The following ANKRD29 variants were observed in gnomAD, a reference collection of about 807,000 sequenced individuals.
The protein encoded by ANKRD29 is ankyrin repeat domain 29.
Under a neutral mutation model 38.0 loss-of-function variants are expected in ANKRD29, and 32 were observed. The observed-to-expected ratio is 0.84, with a 90% CI of 0.64 to 1.13. The LOEUF is 1.13. ANKRD29 is among the 50% of genes most tolerant of loss of function. The probability of loss-of-function intolerance (pLI) is 0.00; values close to 1 mark genes in which losing one functional copy is unlikely to be tolerated. For missense variants in ANKRD29, 357 were observed against 377.9 expected (o/e 0.94, Z 0.46); for synonymous variants, 135 against 152.4 (o/e 0.89, Z 0.84).
At chr18:23,649,615 T>C (rs2060185758) in intron 1 of ANKRD29, 1 of 467,894 alleles carries the variant, frequency 2.1e-6, no homozygotes, top group Non-Finnish European at 4.2e-6. Flanking sequence ...TTTCTCCCAA[T>C]TCTGACCTCT....
chr18:23,611,450 G>A (rs1258547339), intron 9 of ANKRD29, among the ~76,000 whole-genome samples: 6 of 152,132 alleles, frequency 3.9e-5, no homozygotes, highest in African/African-American at 1.2e-4. Context: ...TTGGGAGGCC[G>A]AGGTGGGTGG....
rs1336170135 is a variant in ANKRD29 at position 23,619,535 on chromosome 18, C to T, written c.623G>A (p.Arg208Gln). The change falls in exon 7 of 10, where the codon CGG becomes CAG. Residue 208 changes from arginine to glutamine, a missense_variant. Physicochemically the swap from Arg to Gln is conservative, Grantham distance 43 (BLOSUM62 1). Transcript: ENST00000592179. ...CCGCGCGACTCGGGCACTCACGTTC[C>T]GCGCAGCGTCGCGGTCGGCTCCGCG... ...LLRGADRDAA[R>Q]NDGTTALLKA... The T allele has an allele frequency of 1.3e-6, 2 of 1,589,706 alleles. No individual in the cohort carries two copies. Among genetic ancestry groups the T allele is most frequent in the South Asian group, 1.1e-5 (1 of 89,610 alleles).
intron 4 of ANKRD29, among the ~76,000 whole-genome samples, chr18:23,637,083 T>C (rs1021390711): frequency 1.3e-5 from 2 of 152,206 alleles, no homozygotes; most frequent in Non-Finnish European, 2.9e-5. Flanking sequence ...TCTGAGATAG[T>C]ACAAACTGGC....
intron 6 of ANKRD29, among the ~76,000 whole-genome samples, chr18:23,628,312 C>T (rs533704709): frequency 1.3e-5 from 2 of 152,284 alleles, no homozygotes; most frequent in African/African-American, 4.8e-5. Context: ...CTTTATTTTT[C>T]TCAGGCTCCT....
intron 9 of ANKRD29, among the ~76,000 whole-genome samples, chr18:23,603,282 A>G (rs1197585815): frequency 1.3e-5 from 2 of 152,262 alleles, no homozygotes; most frequent in African/African-American, 4.8e-5. Flanking sequence ...CTCATTTGGA[A>G]AATATCAGTT....
At chr18:23,655,819 C>T (rs1356992469) in intron 1 of ANKRD29, among the ~76,000 whole-genome samples, 2 of 144,796 alleles carry the variant, frequency 1.4e-5, no homozygotes, top group Non-Finnish European at 1.5e-5. Context: ...TCTGGCCGGG[C>T]GCGGTGGCTC....
chr18:23,636,784 G>A (rs2145701734), intron 4 of ANKRD29, among the ~76,000 whole-genome samples: 1 of 151,214 alleles, frequency 6.6e-6, no homozygotes, highest in South Asian at 2.1e-4. Context: ...ATATTGCCCA[G>A]GCTGGTCTTG....
In ANKRD29 at chr18:23,643,902, C is replaced by T. The variant is rs1186405225; in HGVS notation, c.231+2287G>A. On this transcript the variant is annotated intron_variant, in intron 3 of 9. Transcript: ENST00000592179. ...ACAATGGATCAAGGCAGAAGTCTGC[C>T]ATAGGAGTAAGTTTCAAAGCACTGC... is the stretch of plus-strand genomic sequence containing the variant. 3.9e-5 allele frequency among the ~76,000 whole-genome samples: 6 copies of T among 152,204 alleles called. No homozygotes were observed. The South Asian group carries it at 1.2e-3, about 32-fold the overall frequency.
chr18:23,641,666 C>T (rs981952044), intron 3 of ANKRD29, among the ~76,000 whole-genome samples: 7 of 152,374 alleles, frequency 4.6e-5, no homozygotes, highest in South Asian at 2.1e-4. Flanking sequence ...GAGGCAGACA[C>T]GTTCCCACCC....
chr18:23,614,189 G>C (rs1207258838), intron 8 of ANKRD29, among the ~76,000 whole-genome samples: 2 of 151,904 alleles, frequency 1.3e-5, no homozygotes, highest in Non-Finnish European at 2.9e-5. Context: ...AAACTCCTGA[G>C]TAGCTGGGAT....
chr18:23,634,143 C>T lies in ANKRD29; in HGVS notation c.337G>A (p.Gly113Ser), dbSNP rs776267524. Residue 113 changes from glycine to serine, a missense_variant, in exon 5 of 10, where the codon GGC (glycine) becomes AGC (serine). Coordinates refer to ENST00000592179, the MANE Select transcript of ANKRD29 (RefSeq NM_173505.4). ...TGACTGGCAGCCAACAGGGCGGTGC[C>T]CCCGTCCTATGGACATGCAAAGTAT... is the stretch of plus-strand genomic sequence containing the variant. ...ASTEFRTKDGGTALLAASQYG... is the reference protein window; with the variant it reads ...ASTEFRTKDGSTALLAASQYG... 5.6e-6 allele frequency: 9 copies of T among 1,614,168 alleles called. 1 individual carries two copies. The highest frequency in any genetic ancestry group is 4.4e-5 in the South Asian group (4 of 91,080).
At chr18:23,623,895 G>A (rs559644051) in intron 6 of ANKRD29, among the ~76,000 whole-genome samples, 15 of 151,542 alleles carry the variant, frequency 9.9e-5, no homozygotes, top group African/African-American at 3.4e-4. Flanking sequence ...TGCCCGCCTC[G>A]GCCTCCCAAA....
intron 1 of ANKRD29, among the ~76,000 whole-genome samples, chr18:23,651,214 C>G (rs777234707): frequency 6.6e-6 from 1 of 152,162 alleles, no homozygotes; most frequent in Admixed American, 6.6e-5. Flanking sequence ...GATAAGCTAA[C>G]AGCAAACATA....
At chr18:23,613,997 G>A (rs1014898855) in intron 8 of ANKRD29, among the ~76,000 whole-genome samples, 6 of 152,206 alleles carry the variant, frequency 3.9e-5, no homozygotes, top group Admixed American at 3.9e-4. Context: ...CTCCCAAAGT[G>A]CTGGGATTAC....
intron 9 of ANKRD29, among the ~76,000 whole-genome samples, chr18:23,606,466 A>T (rs2059576321): frequency 6.6e-6 from 1 of 152,088 alleles, no homozygotes; most frequent in South Asian, 2.1e-4. Context: ...CTTTTTTAAA[A>T]TTGTAAATAG....
At chr18:23,648,985 T>C in intron 2 of ANKRD29, 98 bp downstream of exon 2, 1 of 999,130 alleles carries the variant, frequency 1.0e-6, no homozygotes, top group Non-Finnish European at 1.5e-6. Flanking sequence ...CATGAAAAAG[T>C]AAATAAGCAT....
At chr18:23,615,623 G>T (rs1297321845) in intron 8 of ANKRD29, among the ~76,000 whole-genome samples, 3 of 151,690 alleles carry the variant, frequency 2.0e-5, no homozygotes, top group Non-Finnish European at 4.4e-5. Flanking sequence ...TGTTGCCCAG[G>T]CTGGTTTGGA....
intron 4 of ANKRD29, among the ~76,000 whole-genome samples, chr18:23,635,398 C>G (rs1408746324): frequency 6.6e-6 from 1 of 152,084 alleles, no homozygotes; most frequent in Non-Finnish European, 1.5e-5. Flanking sequence ...ATCTCTGCAG[C>G]CTAAATTAGA....
intron 9 of ANKRD29, among the ~76,000 whole-genome samples, chr18:23,608,212 A>T (rs2059596494): frequency 6.6e-6 from 1 of 152,236 alleles, no homozygotes. Flanking sequence ...AGCACAGTGC[A>T]TGGTATCTAG....
Sources: allele counts gnomAD v4.1 joint callset (sites outside exome capture counted in the v4.1 genomes callset), GRCh38; gene constraint gnomAD v4.1.1; transcripts MANE v1.5; gene names NCBI Gene and HGNC (gene_info 2026-07-23, HGNC 2026-07-21).